Variants in SLC10A7 observed in about 807,000 individuals in gnomAD.
SLC10A7 encodes the protein solute carrier family 10 member 7, also known as sodium/bile acid cotransporter 7.
In SLC10A7, 29 loss-of-function variants were observed where a neutral mutation model predicts 43.2. The ratio of observed to expected loss-of-function variants is 0.67; its 90% CI spans 0.50 to 0.92. The LOEUF is 0.92. Among genes scored for constraint, SLC10A7 ranks in the 40% least tolerant of loss-of-function variants. The pLI is 0.00. For missense variants in SLC10A7, 295 were observed against 403.2 expected (o/e 0.73, Z 2.30); for synonymous variants, 152 against 144.8 (o/e 1.05, Z -0.35).
intron 5 of SLC10A7, among the ~76,000 whole-genome samples, chr4:146,335,832 A>T (rs1733859135): frequency 6.6e-6 from 1 of 152,106 alleles, no homozygotes; most frequent in Admixed American, 6.6e-5. Flanking sequence ...CTTCTAACTC[A>T]TAATTTATTT....
At position 146,306,001 on chromosome 4, in the gene SLC10A7, T is replaced by C; in HGVS notation, c.480A>G (p.Ser160=). The change falls in exon 7 of 12, where the codon TCA becomes TCG. Residue 160 remains serine, a synonymous_variant. Coordinates refer to ENST00000335472, the MANE Select transcript of SLC10A7 (RefSeq NM_001029998.6). ...TAGATGTGAAAGGCACAGAAGAAGA[T>C]GAACCAAGCTGTAAAACAAGAAAAT... The part of the protein sequence containing the change: ...TPLLLLLFLG[S]SSSVPFTSIF... The C allele has an allele frequency of 6.2e-7, 1 of 1,604,546 alleles. No individual in the cohort carries two copies. Among genetic ancestry groups the C allele is most frequent in the Admixed American group, 1.7e-5 (1 of 57,698 alleles).
At chr4:146,517,233 C>T (rs891343948) in intron 1 of SLC10A7, 113 bp from the exon 2 acceptor site, 8 of 711,848 alleles carry the variant, frequency 1.1e-5, no homozygotes, top group Middle Eastern at 2.8e-4. Context: ...GAGGCCGAGG[C>T]GAGTAGAGCA....
chr4:146,405,381 C>A (rs1439808819), intron 5 of SLC10A7, among the ~76,000 whole-genome samples: 1 of 152,098 alleles, frequency 6.6e-6, no homozygotes, highest in South Asian at 2.1e-4. Flanking sequence ...TAAATTGGCA[C>A]CACAATAATG....
chr4:146,413,391 C>T (rs1039028699), intron 5 of SLC10A7, among the ~76,000 whole-genome samples: 4 of 152,016 alleles, frequency 2.6e-5, no homozygotes, highest in Admixed American at 2.0e-4. Flanking sequence ...TATTGTAGTA[C>T]CTTCAGATAC....
intron 5 of SLC10A7, among the ~76,000 whole-genome samples, chr4:146,336,202 G>A (rs1372143347): frequency 6.6e-6 from 1 of 152,096 alleles, no homozygotes; most frequent in Non-Finnish European, 1.5e-5. Context: ...AAGACAATAG[G>A]TAAACAAATT....
chr4:146,290,059 T>TC (rs1209681670), intron 9 of SLC10A7, among the ~76,000 whole-genome samples: 1 of 145,646 alleles, frequency 6.9e-6, no homozygotes. Flanking sequence ...GCGTGGTGGC[T>TC]CACGCCTGTA....
At chr4:146,306,525 T>C (rs10023228) in intron 6 of SLC10A7, among the ~76,000 whole-genome samples, 124,538 of 152,152 alleles carry the variant, frequency 0.82, 51,778 homozygotes, top group African/African-American at 0.95. Context: ...AATCCTGAAA[T>C]ATAACTTATT....
At chr4:146,260,166 TCTTTATACTAA>T (rs1728133280) in intron 10 of SLC10A7, among the ~76,000 whole-genome samples, 2 of 150,884 alleles carry the variant, frequency 1.3e-5, no homozygotes, top group Middle Eastern at 3.4e-3. Flanking sequence ...GCAGTTTCTG[TCTTTATACTAA>T]CATAAAAAAT....
chr4:146,292,801 A>T, intron 9 of SLC10A7, 128 bp downstream of exon 9: 1 of 616,458 alleles, frequency 1.6e-6, no homozygotes. Flanking sequence ...CAGAATGGTC[A>T]GGGAGACAGG....
At chr4:146,503,770 A>T in intron 4 of SLC10A7, 79 bp downstream of exon 4, 3 of 1,355,060 alleles carry the variant, frequency 2.2e-6, no homozygotes. Flanking sequence ...TCAACCCTTC[A>T]TGTCCAAAAA....
At chr4:146,323,953 C>CCT (rs1403231032) in intron 6 of SLC10A7, among the ~76,000 whole-genome samples, 1 of 152,156 alleles carries the variant, frequency 6.6e-6, no homozygotes, top group Admixed American at 6.6e-5. Flanking sequence ...TCTCCTTAAG[C>CCT]TGATAAGCAA....
At chr4:146,297,536 C>T (rs1206350997) in intron 7 of SLC10A7, among the ~76,000 whole-genome samples, 1 of 151,988 alleles carries the variant, frequency 6.6e-6, no homozygotes, top group Non-Finnish European at 1.5e-5. Flanking sequence ...TATGTCTTTA[C>T]CCTATTCATA....
intron 4 of SLC10A7, among the ~76,000 whole-genome samples, chr4:146,467,128 T>C (rs1733099729): frequency 1.3e-5 from 2 of 152,166 alleles, no homozygotes; most frequent in African/African-American, 4.8e-5. Context: ...GGATTTACCA[T>C]AAAGTAAAGA....
At chr4:146,393,310 T>G (rs1738586083) in intron 5 of SLC10A7, among the ~76,000 whole-genome samples, 1 of 151,154 alleles carries the variant, frequency 6.6e-6, no homozygotes, top group Non-Finnish European at 1.5e-5. Flanking sequence ...AACAACCCCA[T>G]GAGCTTATTA....
intron 5 of SLC10A7, among the ~76,000 whole-genome samples, chr4:146,383,015 T>C (rs1035968139): frequency 6.6e-6 from 1 of 151,996 alleles, no homozygotes; most frequent in Non-Finnish European, 1.5e-5. Context: ...CTCCCCGATT[T>C]TCTTCTGGAA....
chr4:146,428,420 G>A (rs975201089), intron 5 of SLC10A7, among the ~76,000 whole-genome samples: 2 of 152,112 alleles, frequency 1.3e-5, no homozygotes, highest in African/African-American at 4.8e-5. Context: ...TCTGAATTAT[G>A]AACTCATCAA....
intron 10 of SLC10A7, among the ~76,000 whole-genome samples, chr4:146,280,403 A>G (rs1001214258): frequency 1.1e-4 from 16 of 152,174 alleles, no homozygotes; most frequent in African/African-American, 3.1e-4. Context: ...TTGCATTTCC[A>G]TGCAGGGATG....
Position 146,283,208 on chromosome 4 carries a change from G to A in SLC10A7, c.831C>T (p.His277=). ...DTVAIIFCST[H]KSLTLGIPML... is the part of the protein sequence containing the mutation. ...ATCACTTACCCAATGTAAGGGATTT[G>A]TGTGTAGAACAGAAAATGATAGCCA... The change falls in exon 10 of 12, where the codon CAC becomes CAT. Residue 277 remains histidine, a synonymous_variant. Coordinates refer to ENST00000335472, the MANE Select transcript of SLC10A7 (RefSeq NM_001029998.6). 6.8e-6 allele frequency: 11 copies of A among 1,613,134 alleles called. No individual in the cohort carries two copies. The highest frequency in any genetic ancestry group is 9.3e-6 in the Non-Finnish European group (11 of 1,179,334).
chr4:146,268,638 A>T (rs73855122), intron 10 of SLC10A7, among the ~76,000 whole-genome samples: 4,840 of 152,272 alleles, frequency 0.032, 260 homozygotes, highest in African/African-American at 0.11. Flanking sequence ...CATCAGCTCA[A>T]CCACTCCTCA....
Sources: allele counts gnomAD v4.1 joint callset (sites outside exome capture counted in the v4.1 genomes callset), GRCh38; gene constraint gnomAD v4.1.1; transcripts MANE v1.5; gene names NCBI Gene and HGNC (gene_info 2026-07-23, HGNC 2026-07-21).